Variants in FNDC1 observed in about 807,000 individuals in gnomAD.
FNDC1 encodes the protein fibronectin type III domain-containing protein 1.
In FNDC1, 96 loss-of-function variants were observed where a neutral mutation model predicts 168.0. The ratio of observed to expected loss-of-function variants is 0.57; its 90% confidence interval spans 0.48 to 0.68. The LOEUF (loss-of-function observed/expected upper bound fraction) is 0.68, where lower values mean the gene tolerates loss of function less well. Among genes scored for constraint, FNDC1 ranks in the 30% least tolerant of loss-of-function variants. FNDC1 has a pLI of 0.00. For missense variants in FNDC1, 2,587 were observed against 2,482.1 expected (o/e 1.04, Z -0.90); for synonymous variants, 1,099 against 1,025.9 (o/e 1.07, Z -1.36).
rs114930956 is a variant in FNDC1 at position 159,208,254 on chromosome 6, G to A, written c.461-6691G>A. 8.6e-3 allele frequency among the ~76,000 whole-genome samples: 1,317 copies of A among 152,308 alleles called. 23 individuals are homozygous for A. Among genetic ancestry groups the A allele is most frequent in the African/African-American group, 0.03 (1,266 of 41,562 alleles). Reference sequence around the variant, plus strand: ...AAGCTGCTGTTGCAGATGGCACAGCGATGTCTACATCAGAATCATAAGATG... The same window carrying A: ...AAGCTGCTGTTGCAGATGGCACAGCAATGTCTACATCAGAATCATAAGATG... On this transcript the variant is annotated intron_variant, in intron 4 of 22. Coordinates refer to ENST00000297267, the MANE Select transcript of FNDC1 (RefSeq NM_032532.3).
At chr6:159,267,128 A>AT (rs1213633629) in intron 21 of FNDC1, among the ~76,000 whole-genome samples, 1 of 152,116 alleles carries the variant, frequency 6.6e-6, no homozygotes, top group Non-Finnish European at 1.5e-5. Context: ...AGTAGTGATC[A>AT]TTTAAAAACT....
At chr6:159,229,080 C>T (rs1341883312) in intron 9 of FNDC1, among the ~76,000 whole-genome samples, 2 of 152,128 alleles carry the variant, frequency 1.3e-5, no homozygotes, top group African/African-American at 4.8e-5. Flanking sequence ...AAATATTATT[C>T]CCTTATGTTA....
chr6:159,215,736 C>T (rs932123809), intron 5 of FNDC1, among the ~76,000 whole-genome samples: 4 of 152,050 alleles, frequency 2.6e-5, no homozygotes, highest in Admixed American at 6.6e-5. Context: ...ACTTGGGGTC[C>T]GATGTTTGAG....
chr6:159,217,371 T>G (rs1782730836), intron 5 of FNDC1, among the ~76,000 whole-genome samples: 3 of 152,344 alleles, frequency 2.0e-5, no homozygotes, highest in South Asian at 2.1e-4. Context: ...GGCACAGCCA[T>G]GCATTTCGGA....
intron 4 of FNDC1, among the ~76,000 whole-genome samples, chr6:159,211,149 G>A (rs1435216832): frequency 2.0e-5 from 3 of 152,210 alleles, no homozygotes; most frequent in Non-Finnish European, 4.4e-5. Context: ...GTGGGTATTT[G>A]AAGGCCTGTG....
chr6:159,225,815 G>A (rs991968663), intron 8 of FNDC1, 93 bp downstream of exon 8: 2 of 1,114,724 alleles, frequency 1.8e-6, no homozygotes, highest in Non-Finnish European at 2.5e-6. Flanking sequence ...AGTGACAAAG[G>A]CCAGCGTGGG....
At chr6:159,178,785 A>C (rs1007742394) in intron 1 of FNDC1, among the ~76,000 whole-genome samples, 6 of 151,252 alleles carry the variant, frequency 4.0e-5, no homozygotes, top group Non-Finnish European at 1.5e-5. Context: ...ATGGCATGCA[A>C]TTTGGCATCT....
intron 20 of FNDC1, among the ~76,000 whole-genome samples, 179 bp from the exon 21 acceptor site, chr6:159,265,905 G>A (rs1395172832): frequency 6.6e-6 from 1 of 151,942 alleles, no homozygotes; most frequent in Non-Finnish European, 1.5e-5. Flanking sequence ...TCCAGCCTGG[G>A]TGACAGAGCG....
chr6:159,170,438 G>C (rs558292816), intron 1 of FNDC1, among the ~76,000 whole-genome samples: 1 of 152,334 alleles, frequency 6.6e-6, no homozygotes, highest in South Asian at 2.1e-4. Flanking sequence ...ATGCTAGCGC[G>C]CTCCTGTCAG....
At chr6:159,231,098 G>A (rs75814788) in intron 10 of FNDC1, among the ~76,000 whole-genome samples, 9,822 of 33,314 alleles carry the variant, frequency 0.29, 3,004 homozygotes, top group African/African-American at 0.41. Context: ...AATTGGGGCC[G>A]GGCGCGGTGG....
chr6:159,190,751 T>C (rs1045819529), intron 1 of FNDC1, among the ~76,000 whole-genome samples: 9 of 152,268 alleles, frequency 5.9e-5, no homozygotes, highest in African/African-American at 1.7e-4. Context: ...AGCACTTTTG[T>C]GCCCCATGCT....
At chr6:159,187,468 A>T (rs753893689) in intron 1 of FNDC1, among the ~76,000 whole-genome samples, 1 of 152,158 alleles carries the variant, frequency 6.6e-6, no homozygotes, top group Non-Finnish European at 1.5e-5. Flanking sequence ...TTGTACAGTT[A>T]TCCTTAAAGA....
At chr6:159,250,603 GTA>G (rs1250553554) in intron 16 of FNDC1, among the ~76,000 whole-genome samples, 1 of 152,128 alleles carries the variant, frequency 6.6e-6, no homozygotes, top group African/African-American at 2.4e-5. Flanking sequence ...TGCATAGTGG[GTA>G]CTCTCAGCGT....
intron 1 of FNDC1, among the ~76,000 whole-genome samples, chr6:159,178,302 C>T (rs1305108580): frequency 1.3e-5 from 2 of 152,336 alleles, no homozygotes; most frequent in East Asian, 3.9e-4. Context: ...CTTTCACTCC[C>T]TGAGTATGCG....
intron 4 of FNDC1, among the ~76,000 whole-genome samples, chr6:159,209,506 C>A (rs1782553851): frequency 6.6e-6 from 1 of 152,214 alleles, no homozygotes; most frequent in Non-Finnish European, 1.5e-5. Flanking sequence ...ACAGCAAAAT[C>A]CCTTTCTTGA....
intron 4 of FNDC1, among the ~76,000 whole-genome samples, chr6:159,207,171 A>T (rs181153061): frequency 6.6e-6 from 1 of 152,294 alleles, no homozygotes; most frequent in Non-Finnish European, 1.5e-5. Context: ...AAAGAGATTG[A>T]TTGGGCACAG....
At chr6:159,267,729 C>T in intron 21 of FNDC1, 75 bp from the exon 22 acceptor site, 1 of 1,538,164 alleles carries the variant, frequency 6.5e-7, no homozygotes, top group South Asian at 1.2e-5. Flanking sequence ...GTCTCCAAAG[C>T]TTGTGCAAAA....
chr6:159,269,740 G>C (rs1777704487), intron 22 of FNDC1, among the ~76,000 whole-genome samples: 1 of 152,164 alleles, frequency 6.6e-6, no homozygotes, highest in African/African-American at 2.4e-5. Flanking sequence ...ATCCAGGGAA[G>C]AGCTGATGTT....
intron 16 of FNDC1, 31 bp from the exon 17 acceptor site, chr6:159,251,271 A>C: frequency 6.5e-7 from 1 of 1,547,122 alleles, no homozygotes. Flanking sequence ...AGCCTCCAGC[A>C]ATCCAATTGG....
Sources: allele counts gnomAD v4.1 joint callset (sites outside exome capture counted in the v4.1 genomes callset), GRCh38; gene constraint gnomAD v4.1.1; transcripts MANE v1.5; gene names NCBI Gene and HGNC (gene_info 2026-07-23, HGNC 2026-07-21).